GLIS3: variants seen among roughly 807,000 people sequenced by gnomAD.
GLIS3 encodes the protein zinc finger protein GLIS3.
Under a neutral mutation model 78.6 loss-of-function variants are expected in GLIS3, and 53 were observed. The observed-to-expected ratio is 0.67, with a 90% CI of 0.54 to 0.85. The LOEUF is 0.85. Among genes scored for constraint, GLIS3 ranks in the 40% least tolerant of loss-of-function variants. The pLI is 0.00. For missense variants in GLIS3, 1,703 were observed against 1,231.1 expected, an observed-to-expected ratio of 1.38 and a Z score of -5.74; for synonymous variants, 684 against 509.9, an observed-to-expected ratio of 1.34 and a Z score of -4.60.
intron 2 of GLIS3, among the ~76,000 whole-genome samples, chr9:4,229,531 C>G (rs1822073443): frequency 6.6e-6 from 1 of 152,164 alleles, no homozygotes; most frequent in South Asian, 2.1e-4. Context: ...ACAGTGTTAT[C>G]CTTAAACGTA....
intron 2 of GLIS3, among the ~76,000 whole-genome samples, chr9:4,254,565 C>A (rs1333327041): frequency 6.6e-6 from 1 of 152,162 alleles, no homozygotes; most frequent in African/African-American, 2.4e-5. Context: ...AATGACCCAG[C>A]ACGGTGGCTC....
intron 4 of GLIS3, among the ~76,000 whole-genome samples, chr9:4,110,110 GGCTTGC>G (rs1831092442): frequency 6.6e-6 from 1 of 152,166 alleles, no homozygotes; most frequent in Non-Finnish European, 1.5e-5. Context: ...TATGGTACAT[GGCTTGC>G]ACTCAGTGAT....
At chr9:3,882,437 A>G (rs1821792525) in intron 7 of GLIS3, among the ~76,000 whole-genome samples, 1 of 152,232 alleles carries the variant, frequency 6.6e-6, no homozygotes, top group Non-Finnish European at 1.5e-5. Flanking sequence ...CCAGAGGGAC[A>G]TGGTGCAGTT....
intron 2 of GLIS3, among the ~76,000 whole-genome samples, chr9:4,255,164 C>T (rs1167386298): frequency 6.6e-6 from 1 of 152,112 alleles, no homozygotes; most frequent in East Asian, 1.9e-4. Flanking sequence ...TAGTGAGATA[C>T]CATTACACAC....
intron 2 of GLIS3, among the ~76,000 whole-genome samples, chr9:4,329,935 ATATT>A (rs1817660637): frequency 6.6e-6 from 1 of 152,138 alleles, no homozygotes; most frequent in African/African-American, 2.4e-5. Flanking sequence ...GCATGATATT[ATATT>A]TATTTTAGTG....
intron 4 of GLIS3, among the ~76,000 whole-genome samples, chr9:3,985,600 T>C (rs1261879089): frequency 1.3e-5 from 2 of 152,236 alleles, no homozygotes; most frequent in Admixed American, 6.5e-5. Context: ...CTACCACAGA[T>C]TGTGTAGATA....
intron 2 of GLIS3, among the ~76,000 whole-genome samples, chr9:4,223,911 T>A (rs1428330270): frequency 6.6e-6 from 1 of 152,054 alleles, no homozygotes; most frequent in Admixed American, 6.5e-5. Context: ...TTCACTGTTG[T>A]TCCTACAGTG....
At chr9:4,147,423 G>C (rs538447090) in intron 2 of GLIS3, 4 of 152,076 alleles carry the variant, frequency 2.6e-5, no homozygotes, top group African/African-American at 9.7e-5. Flanking sequence ...CTTGCACTGC[G>C]GGGCTTCCAT....
intron 4 of GLIS3, chr9:4,035,160 C>T (rs774548825): frequency 6.6e-6 from 1 of 152,160 alleles, no homozygotes; most frequent in Non-Finnish European, 1.5e-5. Flanking sequence ...GAGTGCTAAG[C>T]AGTTTCCAAA....
intron 2 of GLIS3, among the ~76,000 whole-genome samples, chr9:4,207,638 T>A (rs1293429670): frequency 6.6e-6 from 1 of 152,180 alleles, no homozygotes; most frequent in African/African-American, 2.4e-5. Context: ...CCATACTATG[T>A]GTGACATAAG....
chr9:4,227,372 G>C (rs1483627895), intron 2 of GLIS3, among the ~76,000 whole-genome samples: 1 of 150,592 alleles, frequency 6.6e-6, no homozygotes. Context: ...GGAAAATTAA[G>C]AAAAGCTACC....
intron 2 of GLIS3, among the ~76,000 whole-genome samples, chr9:4,337,718 G>A (rs894165287): frequency 6.6e-6 from 1 of 152,090 alleles, no homozygotes; most frequent in African/African-American, 2.4e-5. Context: ...GACAAAAGCT[G>A]ATTAATGTTC....
the GLIS3 span, among the ~76,000 whole-genome samples, chr9:4,455,608 T>G: frequency 6.6e-6 from 1 of 152,184 alleles, no homozygotes; most frequent in Admixed American, 6.5e-5. Context: ...ATTTCTCCAG[T>G]CGCTTATGCA....
the GLIS3 span, among the ~76,000 whole-genome samples, chr9:4,419,558 G>A: frequency 2.0e-5 from 3 of 152,140 alleles, no homozygotes; most frequent in Non-Finnish European, 2.9e-5. Context: ...AGGAGGCCGA[G>A]GCGGGTGGAT....
intron 2 of GLIS3, among the ~76,000 whole-genome samples, chr9:4,280,507 A>G (rs1827447030): frequency 6.6e-6 from 1 of 152,180 alleles, no homozygotes; most frequent in Admixed American, 6.5e-5. Context: ...AAGAGGCAAA[A>G]TGCAAAAAAA....
chr9:4,479,355 T>G, the GLIS3 span, among the ~76,000 whole-genome samples: 1 of 152,228 alleles, frequency 6.6e-6, no homozygotes, highest in Admixed American at 6.5e-5. Context: ...ATGTCCCTGC[T>G]TGCAACATTC....
At chr9:3,851,282 A>C (rs1393700812) in intron 9 of GLIS3, among the ~76,000 whole-genome samples, 1 of 152,242 alleles carries the variant, frequency 6.6e-6, no homozygotes, top group African/African-American at 2.4e-5. Flanking sequence ...AAGTGTCCTA[A>C]GGAGAAAGAA....
intron 2 of GLIS3, among the ~76,000 whole-genome samples, chr9:4,269,583 C>T (rs184478779): frequency 4.1e-4 from 63 of 152,324 alleles, no homozygotes; most frequent in African/African-American, 1.3e-3. Flanking sequence ...TAGGCACAAG[C>T]TTATCTAACT....
intron 4 of GLIS3, among the ~76,000 whole-genome samples, chr9:4,090,596 G>A (rs1180352177): frequency 2.0e-5 from 3 of 152,164 alleles, no homozygotes; most frequent in Non-Finnish European, 4.4e-5. Context: ...ATCCCAACTG[G>A]AAACGCTCAG....
Sources: allele counts gnomAD v4.1 joint callset (sites outside exome capture counted in the v4.1 genomes callset), GRCh38; gene constraint gnomAD v4.1.1; transcripts MANE v1.5; gene names NCBI Gene and HGNC (gene_info 2026-07-23, HGNC 2026-07-21).